Variants in RIGI observed in about 807,000 individuals in gnomAD.
RIGI encodes the protein RNA sensor RIG-I.
the RIGI span, among the ~76,000 whole-genome samples, chr9:32,509,894 T>G: frequency 6.6e-6 from 1 of 151,812 alleles, no homozygotes; most frequent in Non-Finnish European, 1.5e-5. Context: ...AGGACCTGAA[T>G]GACCTGATGT....
At chr9:32,509,898 C>A in the RIGI span, among the ~76,000 whole-genome samples, 1 of 151,774 alleles carries the variant, frequency 6.6e-6, no homozygotes, top group Admixed American at 6.6e-5. Flanking sequence ...CCTGAATGAC[C>A]TGATGTAGCC....
chr9:32,466,466 T>C, the RIGI span: 2 of 1,568,546 alleles, frequency 1.3e-6, no homozygotes, highest in Admixed American at 2.0e-5. Context: ...ATATTTTAGT[T>C]GGTGTTTTTG....
the RIGI span, among the ~76,000 whole-genome samples, chr9:32,465,094 C>T: frequency 0.014 from 2,172 of 152,084 alleles, 26 homozygotes; most frequent in Middle Eastern, 0.048. Context: ...GGTTTTAAAA[C>T]GTGTATTGGC....
chr9:32,479,139 G>A, the RIGI span, among the ~76,000 whole-genome samples: 1 of 152,084 alleles, frequency 6.6e-6, no homozygotes, highest in South Asian at 2.1e-4. Flanking sequence ...TGCAACCCTT[G>A]GTTGGCCATG....
the RIGI span, among the ~76,000 whole-genome samples, chr9:32,473,567 G>A: frequency 3.9e-5 from 6 of 152,170 alleles, no homozygotes; most frequent in East Asian, 9.7e-4. Flanking sequence ...TTACAGGCAT[G>A]AGCCACCGCA....
chr9:32,513,753 C>T, the RIGI span, among the ~76,000 whole-genome samples: 3 of 152,192 alleles, frequency 2.0e-5, no homozygotes, highest in Non-Finnish European at 4.4e-5. Flanking sequence ...TAAAGAGCTT[C>T]TGCACAGCTA....
chr9:32,486,106 G>C, the RIGI span, among the ~76,000 whole-genome samples: 12 of 152,138 alleles, frequency 7.9e-5, no homozygotes, highest in Admixed American at 7.9e-4. Context: ...GTGATCTTAA[G>C]GGAGAGAAAT....
chr9:32,495,901 C>A, the RIGI span, among the ~76,000 whole-genome samples: 6 of 152,258 alleles, frequency 3.9e-5, no homozygotes, highest in South Asian at 1.2e-3. Flanking sequence ...AGGTGATCCA[C>A]CTGCCTCAGC....
At chr9:32,473,459 G>A in the RIGI span, among the ~76,000 whole-genome samples, 2 of 151,836 alleles carry the variant, frequency 1.3e-5, no homozygotes, top group East Asian at 1.9e-4. Context: ...GCTAATTTTT[G>A]TATTTTTAGT....
the RIGI span, chr9:32,466,491 T>A: frequency 6.7e-7 from 1 of 1,493,000 alleles, no homozygotes; most frequent in Non-Finnish European, 9.0e-7. Context: ...AAAGCTCTGA[T>A]ATAATCTGCA....
At chr9:32,467,379 T>G in the RIGI span, among the ~76,000 whole-genome samples, 1 of 144,670 alleles carries the variant, frequency 6.9e-6, no homozygotes, top group Non-Finnish European at 1.5e-5. Context: ...GAAAGAATAG[T>G]TAGGAGACTA....
At chr9:32,489,741 G>A in the RIGI span, among the ~76,000 whole-genome samples, 3 of 151,926 alleles carry the variant, frequency 2.0e-5, no homozygotes, top group African/African-American at 7.2e-5. Flanking sequence ...CCCCATTCAG[G>A]GTAAGACAAG....
the RIGI span, chr9:32,476,982 C>A: frequency 6.2e-7 from 1 of 1,610,080 alleles, no homozygotes; most frequent in East Asian, 2.2e-5. Context: ...AAAAAGCTTA[C>A]GTCCACAAGT....
At chr9:32,495,572 G>C in the RIGI span, among the ~76,000 whole-genome samples, 1 of 151,632 alleles carries the variant, frequency 6.6e-6, no homozygotes. Context: ...GAATTTCTCT[G>C]ATGATTACTG....
At chr9:32,466,507 G>C in the RIGI span, 2 of 1,393,434 alleles carry the variant, frequency 1.4e-6, no homozygotes, top group Non-Finnish European at 1.9e-6. Context: ...CTGCAAATAG[G>C]TAAACAAATA....
the RIGI span, chr9:32,459,251 C>T: frequency 2.5e-6 from 3 of 1,195,264 alleles, no homozygotes; most frequent in East Asian, 7.6e-5. Flanking sequence ...TTTTTAAATA[C>T]ACAGATCATG....
At chr9:32,511,550 C>T in the RIGI span, among the ~76,000 whole-genome samples, 6 of 152,238 alleles carry the variant, frequency 3.9e-5, no homozygotes, top group Admixed American at 1.3e-4. Flanking sequence ...AAAGACACAA[C>T]GTACCAGAAT....
the RIGI span, among the ~76,000 whole-genome samples, chr9:32,505,595 C>A: frequency 6.6e-6 from 1 of 152,154 alleles, no homozygotes; most frequent in South Asian, 2.1e-4. Context: ...TATCTTCAAT[C>A]ACACGTAATA....
the RIGI span, among the ~76,000 whole-genome samples, chr9:32,506,723 C>G: frequency 6.6e-6 from 1 of 152,272 alleles, no homozygotes; most frequent in South Asian, 2.1e-4. Flanking sequence ...TCTATTGCAA[C>G]AAGACTGAAT....
Sources: gnomAD v4.1 joint callset for allele counts (sites outside exome capture counted in the v4.1 genomes callset) on GRCh38, gnomAD v4.1.1 for gene constraint, MANE v1.5 for transcripts, NCBI Gene and HGNC (gene_info 2026-07-23, HGNC 2026-07-21) for gene names.